ITPR1: variants seen among roughly 807,000 people sequenced by gnomAD.
The protein encoded by ITPR1 is inositol 1,4,5-trisphosphate-gated calcium channel ITPR1.
Under a neutral mutation model 318.4 loss-of-function variants are expected in ITPR1, and 96 were observed. The observed-to-expected ratio is 0.30, with a 90% CI of 0.26 to 0.36. The LOEUF is 0.36. ITPR1 is among the 10% of genes least tolerant of loss of function. ITPR1 has a pLI of 1.00. For missense variants in ITPR1, 2,440 were observed against 3,460.2 expected, an observed-to-expected ratio of 0.71 and a Z score of 7.40; for synonymous variants, 1,312 against 1,289.9, an observed-to-expected ratio of 1.02 and a Z score of -0.37.
chr3:4,622,015 G>A (rs2092654422), intron 4 of ITPR1, among the ~76,000 whole-genome samples: 1 of 151,078 alleles, frequency 6.6e-6, no homozygotes, highest in Non-Finnish European at 1.5e-5. Flanking sequence ...TATTTGACCA[G>A]TTTGTCCCTG....
At position 4,680,576 on chromosome 3, in the gene ITPR1, T is replaced by A; in HGVS notation, c.2991T>A (p.Asp997Glu). The change falls in exon 25 of 62, where the codon GAT becomes GAA. Residue 997 changes from aspartate (D) to glutamate (E), a missense_variant. Physicochemically the swap from Asp to Glu is conservative, Grantham distance 45 (BLOSUM62 2). Transcript: ENST00000649015. ...ILQFILNVRL[D>E]YRISCLLCIF... ...AGTTTATTTTGAATGTGAGGTTGGA[T>A]TATAGGATCTCCTGCCTCCTGTGTA... The A allele has an allele frequency of 6.2e-7, 1 of 1,613,136 alleles. No homozygotes were observed. The highest frequency in any genetic ancestry group is 8.5e-7 in the Non-Finnish European group (1 of 1,179,134).
Position 4,510,664 on chromosome 3 carries a change from C to T in ITPR1, c.-16-5812C>T, listed in dbSNP as rs557715323. ...ACATCACACACAGATCTCTAGAATA[C>T]AGCATGTGCCTTGTACGGTGTCAGA... On this transcript the variant is annotated intron_variant, in intron 2 of 61. Coordinates refer to ENST00000649015, the MANE Select transcript of ITPR1 (RefSeq NM_001378452.1). 1.4e-4 allele frequency among the ~76,000 whole-genome samples: 21 copies of T among 152,294 alleles called. No individual in the cohort carries two copies. The South Asian group carries it at 2.1e-3, about 15-fold the overall frequency.
chr3:4,627,658 A>G (rs1416747352), intron 4 of ITPR1, 105 bp from the exon 5 acceptor site: 1 of 702,680 alleles, frequency 1.4e-6, no homozygotes, highest in African/African-American at 1.8e-5. Flanking sequence ...TCTATGTATG[A>G]TGTAATTTTA....
chr3:4,692,541 C>G (rs2094496407), intron 32 of ITPR1, among the ~76,000 whole-genome samples: 1 of 152,214 alleles, frequency 6.6e-6, no homozygotes, highest in African/African-American at 2.4e-5. Flanking sequence ...ATCATTAGAG[C>G]TCATAAAGGT....
chr3:4,763,502 A>G (rs2125367641), intron 44 of ITPR1, among the ~76,000 whole-genome samples: 1 of 152,326 alleles, frequency 6.6e-6, no homozygotes. Flanking sequence ...TTGACCTCAG[A>G]GCCCAGCCTG....
At chr3:4,774,184 G>T (rs2046348919) in intron 46 of ITPR1, among the ~76,000 whole-genome samples, 1 of 152,158 alleles carries the variant, frequency 6.6e-6, no homozygotes, top group Non-Finnish European at 1.5e-5. Flanking sequence ...GTGTCATAGA[G>T]ATCTTTCCAT....
chr3:4,797,882 T>A (rs2047993807), intron 53 of ITPR1, among the ~76,000 whole-genome samples: 1 of 152,260 alleles, frequency 6.6e-6, no homozygotes, highest in Non-Finnish European at 1.5e-5. Flanking sequence ...CATTTTAAAA[T>A]ATGTATAATC....
Position 4,684,288 on chromosome 3 carries a change from A to G in ITPR1, c.3506A>G (p.Asn1169Ser), listed in dbSNP as rs1203879171. The G allele has an allele frequency of 1.9e-6, 3 of 1,611,432 alleles. No individual in the cohort carries two copies. The highest frequency in any genetic ancestry group is 4.5e-5 in the East Asian group (2 of 44,848). ...GTTCACTTTGGTTTCTAGGAGGGAA[A>G]TAACAAGCCACAAAAGCATGAAAGC... ...ENEHKKTEEGNNKPQKHESTS... is the reference protein window; with the variant it reads ...ENEHKKTEEGSNKPQKHESTS... Residue 1169 changes from asparagine (N) to serine (S), a missense_variant, in exon 29 of 62, where the codon AAT becomes AGT. Asn to Ser is a conservative substitution (Grantham distance 46). Transcript: ENST00000649015.
intron 60 of ITPR1, among the ~76,000 whole-genome samples, chr3:4,822,588 CT>C (rs1235627311): frequency 6.6e-6 from 1 of 152,184 alleles, no homozygotes; most frequent in Non-Finnish European, 1.5e-5. Flanking sequence ...AGAAGTAGAG[CT>C]TTCATTGATT....
intron 54 of ITPR1, among the ~76,000 whole-genome samples, chr3:4,803,434 GAAGTCATGCA>G: frequency 6.6e-6 from 1 of 152,330 alleles, no homozygotes. Flanking sequence ...CATCTAAAAT[GAAGTCATGCA>G]AAGATTTAGT....
At chr3:4,630,880 C>T (rs1290733157) in intron 5 of ITPR1, among the ~76,000 whole-genome samples, 1 of 152,152 alleles carries the variant, frequency 6.6e-6, no homozygotes, top group African/African-American at 2.4e-5. Flanking sequence ...AGCCACCGTG[C>T]TCAGCCCTGT....
At chr3:4,535,267 G>T (rs2083751670) in intron 4 of ITPR1, among the ~76,000 whole-genome samples, 2 of 152,010 alleles carry the variant, frequency 1.3e-5, no homozygotes, top group East Asian at 1.9e-4. Context: ...TATACAGCTT[G>T]CTGAGAGAGC....
At chr3:4,643,605 G>A (rs77673880) in intron 7 of ITPR1, among the ~76,000 whole-genome samples, 10 of 147,362 alleles carry the variant, frequency 6.8e-5, no homozygotes, top group Admixed American at 6.1e-4. Context: ...TTTTGGGGGG[G>A]GGGTAACTTT....
chr3:4,554,890 A>G (rs1049349705), intron 4 of ITPR1, among the ~76,000 whole-genome samples: 2 of 152,228 alleles, frequency 1.3e-5, no homozygotes, highest in Admixed American at 6.5e-5. Context: ...AAATGGCAAT[A>G]AAAGAACTGT....
chr3:4,774,120 C>T (rs191361395), intron 46 of ITPR1, among the ~76,000 whole-genome samples: 60 of 152,212 alleles, frequency 3.9e-4, no homozygotes, highest in African/African-American at 7.9e-4. Context: ...TATATTGGAA[C>T]GGGAACATTT....
At chr3:4,497,006 A>T (rs1479714455) in intron 2 of ITPR1, among the ~76,000 whole-genome samples, 2 of 152,152 alleles carry the variant, frequency 1.3e-5, no homozygotes, top group Non-Finnish European at 2.9e-5. Context: ...TTTGATTTTT[A>T]AAAATAAAAC....
At chr3:4,600,615 G>A (rs2091201335) in intron 4 of ITPR1, among the ~76,000 whole-genome samples, 1 of 152,162 alleles carries the variant, frequency 6.6e-6, no homozygotes, top group Non-Finnish European at 1.5e-5. Context: ...GAATGTTTGT[G>A]TCTTCTACGT....
At chr3:4,602,150 A>G (rs76296258) in intron 4 of ITPR1, among the ~76,000 whole-genome samples, 2,606 of 152,338 alleles carry the variant, frequency 0.017, 76 homozygotes, top group African/African-American at 0.059. Flanking sequence ...GGTTAAACAT[A>G]GAGTTACTAT....
intron 44 of ITPR1, among the ~76,000 whole-genome samples, chr3:4,754,314 G>A (rs1157733707): frequency 6.6e-6 from 1 of 152,152 alleles, no homozygotes; most frequent in Non-Finnish European, 1.5e-5. Flanking sequence ...CAGGTCCTCA[G>A]CACTGGACCC....
Sources: gnomAD v4.1 joint callset for allele counts (sites outside exome capture counted in the v4.1 genomes callset) on GRCh38, gnomAD v4.1.1 for gene constraint, MANE v1.5 for transcripts, NCBI Gene and HGNC (gene_info 2026-07-23, HGNC 2026-07-21) for gene names.